Variants in OTOA observed in about 807,000 individuals in gnomAD.
OTOA encodes the protein cancer/testis antigen 108.
In OTOA, 70 loss-of-function variants were observed where a neutral mutation model predicts 110.8. The ratio of observed to expected loss-of-function variants is 0.63; its 90% confidence interval spans 0.52 to 0.77. OTOA has a LOEUF of 0.77. OTOA is among the 30% of genes least tolerant of loss of function. OTOA has a pLI of 0.00. For missense variants in OTOA, 917 were observed against 1,075.8 expected, an observed-to-expected ratio of 0.85 and a Z score of 2.06; for synonymous variants, 373 against 431.5, an observed-to-expected ratio of 0.86 and a Z score of 1.68.
chr16:21,706,501 A>G (rs1203537008), intron 12 of OTOA, among the ~76,000 whole-genome samples: 2 of 152,156 alleles, frequency 1.3e-5, no homozygotes, highest in African/African-American at 2.4e-5. Flanking sequence ...GGTGATTTCA[A>G]TGCAGCCAGG....
chr16:21,697,868 C>T lies in OTOA; in HGVS notation c.833C>T (p.Pro278Leu). Residue 278 changes from proline to leucine, a missense_variant, in exon 10 of 29, where the codon CCT (proline) becomes CTT (leucine). Coordinates refer to ENST00000646100, the MANE Select transcript of OTOA (RefSeq NM_144672.4). The part of the protein sequence containing the change: ...LSFEEITKIS[P>L]IEIGLFISYD... ...TTTGAAGAAATTACGAAAATTAGTCCTATAGAAGTAAGTTGGAAAAGTACA... is the reference window on the plus strand; with the variant it reads ...TTTGAAGAAATTACGAAAATTAGTCTTATAGAAGTAAGTTGGAAAAGTACA... 1 of 1,613,190 alleles carries T rather than the reference C, an allele frequency of 6.2e-7. No individual in the cohort carries two copies. The highest frequency in any genetic ancestry group is 8.5e-7 in the Non-Finnish European group (1 of 1,179,272).
chr16:21,685,311 C>G lies in OTOA; in HGVS notation c.349C>G (p.Gln117Glu). 6.2e-7 allele frequency: 1 copy of G among 1,613,210 alleles called. No homozygotes were observed. The highest frequency in any genetic ancestry group is 8.5e-7 in the Non-Finnish European group (1 of 1,179,374). The change falls in exon 7 of 29, where the codon CAG becomes GAG. Residue 117 changes from glutamine to glutamate, a missense_variant. Physicochemically the swap from Gln to Glu is conservative, Grantham distance 29. Coordinates refer to ENST00000646100, the MANE Select transcript of OTOA (RefSeq NM_144672.4). ...LEDLRKTDAQQFRTAMKCLLE... is the reference protein window; with the variant it reads ...LEDLRKTDAQEFRTAMKCLLE... The stretch of plus-strand genomic sequence containing the variant: ...GGACCTGAGGAAGACAGACGCCCAG[C>G]AGTTCCGCACTGCCATGAAATGCCT...
Position 21,684,762 on chromosome 16 carries a change from A to T in OTOA, c.268-468A>T, listed in dbSNP as rs985274173. 9.6e-4 allele frequency among the ~76,000 whole-genome samples: 93 copies of T among 96,882 alleles called. 2 individuals are homozygous for T. Among genetic ancestry groups the T allele is most frequent in the African/African-American group, 3.1e-3 (90 of 29,462 alleles). The allele number at this position is 96,882 out of a possible 152,430, so 63.6% of individuals were successfully genotyped here. A position where few individuals can be genotyped will look rare whatever the true frequency, so the allele number is the denominator to read the frequency against. ...TATTATTATTATTATTATTATTATTATTATTTTTTAGGTGGAGTCTCGCTC... is the reference window on the plus strand; with the variant it reads ...TATTATTATTATTATTATTATTATTTTTATTTTTTAGGTGGAGTCTCGCTC... On this transcript the variant is annotated intron_variant, in intron 6 of 28. Transcript: ENST00000646100.
chr16:21,732,374 G>A (rs1490779459), intron 21 of OTOA, among the ~76,000 whole-genome samples: 3 of 152,106 alleles, frequency 2.0e-5, no homozygotes, highest in Non-Finnish European at 4.4e-5. Flanking sequence ...GGGTACAGGT[G>A]GTGTTTGGTT....
At chr16:21,713,441 C>A (rs186094957) in intron 13 of OTOA, among the ~76,000 whole-genome samples, 3 of 152,272 alleles carry the variant, frequency 2.0e-5, no homozygotes, top group African/African-American at 7.2e-5. Context: ...TCCTAGCCTG[C>A]TTCCTCCATC....
In OTOA at chr16:21,679,212, G is replaced by T; in HGVS notation, c.179+1G>T. The T allele has an allele frequency of 1.2e-6, 2 of 1,613,226 alleles. No individual in the cohort carries two copies. Among genetic ancestry groups the T allele is most frequent in the Non-Finnish European group, 8.5e-7 (1 of 1,179,768 alleles). ...TGCTGGATCTCATACAGTTTCAAAG[G>T]TAAAATGCCCTAGAGGAGAGGGGAA... On this transcript the variant is annotated splice_donor_variant, in intron 5 of 28. Transcript: ENST00000646100. LOFTEE classifies it high-confidence loss of function.
intron 13 of OTOA, among the ~76,000 whole-genome samples, chr16:21,712,498 GC>G (rs894439045): frequency 6.6e-6 from 1 of 151,764 alleles, no homozygotes. Flanking sequence ...AATGTAAGGG[GC>G]CCCATTTTGC....
chr16:21,703,123 A>G (rs1432411315), intron 11 of OTOA, among the ~76,000 whole-genome samples: 1 of 152,106 alleles, frequency 6.6e-6, no homozygotes, highest in Non-Finnish European at 1.5e-5. Context: ...TTGCGGTGAG[A>G]ACACTTAAAA....
At chr16:21,689,826 C>T (rs2141663468) in intron 8 of OTOA, among the ~76,000 whole-genome samples, 1 of 152,190 alleles carries the variant, frequency 6.6e-6, no homozygotes, top group South Asian at 2.1e-4. Context: ...GCTGGGATTA[C>T]AGGTGCATGC....
chr16:21,674,204 C>T (rs1966853104), intron 1 of OTOA, among the ~76,000 whole-genome samples: 1 of 152,170 alleles, frequency 6.6e-6, no homozygotes, highest in African/African-American at 2.4e-5. Context: ...TTATAAGAAA[C>T]AACAAAACTA....
Position 21,736,832 on chromosome 16 carries a change from A to C in OTOA, c.2431+442A>C, listed in dbSNP as rs952415398. Among the ~76,000 whole-genome samples, 15 of 152,420 alleles carry C rather than the reference A, an allele frequency of 9.8e-5. No individual in the cohort carries two copies. In the East Asian group the frequency reaches 1.9e-3, roughly 20 times the overall value. The stretch of plus-strand genomic sequence containing the variant: ...GGTGACAGCGAGACTCTGTCTCAAA[A>C]AAAAAAGAGTTACACTTTTGTAAAG... On this transcript the variant is annotated intron_variant, in intron 22 of 28. Transcript: ENST00000646100.
At chr16:21,693,533 AAG>A (rs1284177598) in intron 9 of OTOA, among the ~76,000 whole-genome samples, 3 of 152,032 alleles carry the variant, frequency 2.0e-5, no homozygotes, top group Admixed American at 6.6e-5. Context: ...TAAGTAAATA[AAG>A]AGAGAGAGAG....
At chr16:21,696,517 T>G (rs1897943970) in intron 9 of OTOA, among the ~76,000 whole-genome samples, 1 of 152,134 alleles carries the variant, frequency 6.6e-6, no homozygotes, top group Admixed American at 6.6e-5. Flanking sequence ...GGATGATCCT[T>G]ACTAGTGGTA....
chr16:21,685,048 C>A (rs920126579), intron 6 of OTOA, among the ~76,000 whole-genome samples, 182 bp from the exon 7 acceptor site: 2 of 152,102 alleles, frequency 1.3e-5, no homozygotes, highest in African/African-American at 4.8e-5. Context: ...CCGCGCCCGG[C>A]CCCTCATTTT....
Position 21,719,146 on chromosome 16 carries a change from A to G in OTOA, c.1643A>G (p.Tyr548Cys), listed in dbSNP as rs761466497. 2 of 1,613,918 alleles carry G rather than the reference A, an allele frequency of 1.2e-6. No individual in the cohort carries two copies. Among genetic ancestry groups the G allele is most frequent in the African/African-American group, 1.3e-5 (1 of 75,020 alleles). ...CTCTTCTCGCAGGCTCTGTTCCTGT[A>G]TGAGCTTCTGTTAAAGACCACCAGA... ...ELGRSQALFLYELLLKTTRRP... is the reference protein window; with the variant it reads ...ELGRSQALFLCELLLKTTRRP... The change falls in exon 16 of 29, where the codon TAT becomes TGT. Residue 548 changes from tyrosine (Y) to cysteine (C), a missense_variant. Transcript: ENST00000646100.
chr16:21,712,853 GA>G (rs1390688939), intron 13 of OTOA, among the ~76,000 whole-genome samples: 3 of 152,064 alleles, frequency 2.0e-5, no homozygotes, highest in Non-Finnish European at 2.9e-5. Flanking sequence ...GTGGTAAAAT[GA>G]AAACAAAAGC....
chr16:21,708,296 C>T (rs1467197043), intron 12 of OTOA, among the ~76,000 whole-genome samples: 3 of 152,104 alleles, frequency 2.0e-5, no homozygotes, highest in Non-Finnish European at 4.4e-5. Context: ...GCACAGTGCA[C>T]AATAGGGTTT....
At chr16:21,689,152 T>C (rs955926601) in intron 8 of OTOA, among the ~76,000 whole-genome samples, 9 of 152,162 alleles carry the variant, frequency 5.9e-5, no homozygotes, top group Admixed American at 3.9e-4. Flanking sequence ...CTTTTACTAA[T>C]CGTAGTGCTT....
At chr16:21,667,142 C>T (rs991232309) in intron 1 of OTOA, among the ~76,000 whole-genome samples, 3 of 152,116 alleles carry the variant, frequency 2.0e-5, no homozygotes, top group Admixed American at 1.3e-4. Context: ...TGATGGTGGG[C>T]CAACACACCT....
Sources: gnomAD v4.1 joint callset for allele counts (sites outside exome capture counted in the v4.1 genomes callset) on GRCh38, gnomAD v4.1.1 for gene constraint, MANE v1.5 for transcripts, NCBI Gene and HGNC (gene_info 2026-07-23, HGNC 2026-07-21) for gene names.